Variants in LIPA observed in about 807,000 individuals in gnomAD.
LIPA encodes lipase A, lysosomal acid type, also known as lysosomal acid lipase/cholesteryl ester hydrolase.
In LIPA, 26 loss-of-function variants were observed where a neutral mutation model predicts 40.6. That is an observed-to-expected ratio of 0.64 (90% CI 0.47 to 0.89). LIPA has a LOEUF of 0.89. Ranked by LOEUF, LIPA falls within the 40% of genes least tolerant of loss-of-function variation. LIPA has a pLI of 0.00. For missense variants in LIPA, 455 were observed against 479.6 expected (o/e 0.95, Z 0.48); for synonymous variants, 188 against 168.4 (o/e 1.12, Z -0.90).
chr10:89,339,325 G>A (rs376728166), intron 1 of LIPA: 8 of 1,613,822 alleles, frequency 5.0e-6, no homozygotes, highest in Non-Finnish European at 6.8e-6. Flanking sequence ...GAATAAAGAA[G>A]CTGAAGGAGA....
intron 1 of LIPA, among the ~76,000 whole-genome samples, chr10:89,272,344 C>T (rs200454136): frequency 9.2e-5 from 14 of 152,076 alleles, no homozygotes; most frequent in South Asian, 2.1e-4. Flanking sequence ...TGAGAACATG[C>T]GGTATTTGGT....
rs550340419 is a variant in LIPA at position 89,318,750 on chromosome 10, C to T, written c.-2+23861G>A. Among the ~76,000 whole-genome samples, 257 of 152,324 alleles carry T rather than the reference C, an allele frequency of 1.7e-3. 1 individual carries two copies. The highest frequency in any genetic ancestry group is 6.0e-3 in the African/African-American group (250 of 41,576). On this transcript the variant is annotated intron_variant, in intron 1 of 5. Transcript: ENST00000282673. ...TACAGAACTCTCCACCCCAAATCAA[C>T]AGAATATACATTCTTCTCAGCACCA...
At chr10:89,304,874 C>G (rs1458807598) in intron 1 of LIPA, among the ~76,000 whole-genome samples, 1 of 151,506 alleles carries the variant, frequency 6.6e-6, no homozygotes, top group Non-Finnish European at 1.5e-5. Context: ...TAAGGGTACC[C>G]TAAAGAAAAA....
At chr10:89,365,270 T>G (rs1453690982) in intron 2 of LIPA, among the ~76,000 whole-genome samples, 1 of 152,234 alleles carries the variant, frequency 6.6e-6, no homozygotes, top group Non-Finnish European at 1.5e-5. Flanking sequence ...TTGACTTTCC[T>G]TCTGGAACAC....
At chr10:89,247,316 G>A (rs1424065455) in intron 2 of LIPA, among the ~76,000 whole-genome samples, 1 of 135,686 alleles carries the variant, frequency 7.4e-6, no homozygotes, top group Admixed American at 8.0e-5. Flanking sequence ...AGGTCGCAAT[G>A]AGCCGAGATC....
intron 2 of LIPA, among the ~76,000 whole-genome samples, chr10:89,350,444 T>C (rs565086724): frequency 6.6e-6 from 1 of 152,220 alleles, no homozygotes; most frequent in East Asian, 1.9e-4. Flanking sequence ...TAGCTGAGAC[T>C]ACAGGCGCAT....
chr10:89,378,040 T>G (rs1216425605), intron 2 of LIPA: 1 of 1,349,132 alleles, frequency 7.4e-7, no homozygotes, highest in African/African-American at 1.5e-5. Context: ...AGCACCATGC[T>G]TATCTGAGAA....
chr10:89,250,408 C>G lies in LIPA; in HGVS notation c.-2+1329G>C, dbSNP rs545900377. Among the ~76,000 whole-genome samples the G allele has an allele frequency of 2.0e-4, 31 of 152,266 alleles. No homozygotes were observed. The South Asian group carries it at 6.4e-3, about 32-fold the overall frequency. ...GTGAGCCACCGCGCCCGACCGTGAA[C>G]TCTGAACAGGAGCAAACGTTATCCC... On this transcript the variant is annotated intron_variant, in intron 1 of 9. Coordinates refer to ENST00000336233, the MANE Select transcript of LIPA (RefSeq NM_000235.4).
chr10:89,214,403 G>A lies in LIPA; in HGVS notation c.*425C>T, dbSNP rs1014418525. 1 of 172,546 alleles carries A rather than the reference G, an allele frequency of 5.8e-6. No homozygotes were observed. Among genetic ancestry groups the A allele is most frequent in the African/African-American group, 2.4e-5 (1 of 41,550 alleles). 10.7% of individuals were successfully genotyped at this position (172,546 alleles called of 1,614,324 possible). A position where few individuals can be genotyped will look rare whatever the true frequency, so the allele number is the denominator to read the frequency against. Reference sequence around the variant, plus strand: ...AGAGAGCTCTTTAAGGCAAGGACATGAAAACTGCGTACTTTTATACCTCGC... The same window carrying A: ...AGAGAGCTCTTTAAGGCAAGGACATAAAAACTGCGTACTTTTATACCTCGC... On this transcript the variant is annotated 3_prime_UTR_variant, in exon 10 of 10. Transcript: ENST00000336233.
chr10:89,363,087 C>A, intron 2 of LIPA: 2 of 225,778 alleles, frequency 8.9e-6, no homozygotes, highest in Non-Finnish European at 9.7e-6. Flanking sequence ...CCAGTTTTAT[C>A]AAAGAAGAGG....
intron 2 of LIPA, chr10:89,378,119 G>A (rs754431990): frequency 6.2e-7 from 1 of 1,613,782 alleles, no homozygotes; most frequent in South Asian, 1.1e-5. Context: ...CAGATCACCT[G>A]CTATCTTCAT....
intron 2 of LIPA, among the ~76,000 whole-genome samples, chr10:89,376,207 AAAG>A (rs1554879592): frequency 6.6e-6 from 1 of 150,878 alleles, no homozygotes. Context: ...AAAAAAAAAA[AAAG>A]AAGAAGAAGT....
intron 2 of LIPA, chr10:89,378,109 C>T (rs1844135736): frequency 1.2e-6 from 2 of 1,613,518 alleles, no homozygotes; most frequent in South Asian, 1.1e-5. Flanking sequence ...CAAAGCACTA[C>T]AGATCACCTG....
chr10:89,377,394 AACCACTAATGG>A (rs1407624501), intron 2 of LIPA, among the ~76,000 whole-genome samples: 3 of 152,094 alleles, frequency 2.0e-5, no homozygotes, highest in Non-Finnish European at 4.4e-5. Flanking sequence ...TTGTTGTTTG[AACCACTAATGG>A]TGAACAGTAA....
chr10:89,327,560 C>A (rs1284617240), intron 1 of LIPA, among the ~76,000 whole-genome samples: 1 of 151,040 alleles, frequency 6.6e-6, no homozygotes, highest in Admixed American at 6.6e-5. Flanking sequence ...CAAAAAAAAA[C>A]AAAAACAAAA....
At chr10:89,412,859 A>G (rs1841485268) in exon 2 of LIPA, 2 of 350,588 alleles carry the variant, frequency 5.7e-6, no homozygotes, top group Non-Finnish European at 1.1e-5. Flanking sequence ...CATCTTTAAC[A>G]ACTGTAGCAC....
At chr10:89,408,236 C>G (rs947488453) in intron 2 of LIPA, among the ~76,000 whole-genome samples, 1 of 152,186 alleles carries the variant, frequency 6.6e-6, no homozygotes, top group East Asian at 1.9e-4. Flanking sequence ...CCAATATTCT[C>G]TCTCTGATGG....
chr10:89,411,253 AC>A (rs932999988), intron 2 of LIPA, among the ~76,000 whole-genome samples: 5 of 152,118 alleles, frequency 3.3e-5, no homozygotes, highest in African/African-American at 1.2e-4. Context: ...TCCCTTCAGG[AC>A]AGGACGGATA....
At chr10:89,222,619 A>G in intron 7 of LIPA, 37 bp from the exon 8 acceptor site, 1 of 1,254,476 alleles carries the variant, frequency 8.0e-7, no homozygotes, top group Non-Finnish European at 1.2e-6. Flanking sequence ...GAATGAAAAC[A>G]GCATTAAGGT....
Sources: allele counts gnomAD v4.1 joint callset (sites outside exome capture counted in the v4.1 genomes callset), GRCh38; gene constraint gnomAD v4.1.1; transcripts MANE v1.5; gene names NCBI Gene and HGNC (gene_info 2026-07-23, HGNC 2026-07-21).